Variants in GRAMD1C observed in about 807,000 individuals in gnomAD.
GRAMD1C encodes protein Aster-C.
GRAMD1C carries 89 observed loss-of-function variants against 97.8 expected under a neutral mutation model. The ratio of observed to expected loss-of-function variants is 0.91; its 90% CI spans 0.77 to 1.09. The LOEUF is 1.09. Among genes scored for constraint, GRAMD1C ranks in the 50% least tolerant of loss-of-function variants. GRAMD1C has a pLI of 0.00. For missense variants in GRAMD1C, 740 were observed against 766.4 expected (o/e 0.97, Z 0.41); for synonymous variants, 256 against 267.0 (o/e 0.96, Z 0.40).
chr3:113,888,860 G>A (rs1435160219), intron 6 of GRAMD1C, among the ~76,000 whole-genome samples: 1 of 152,136 alleles, frequency 6.6e-6, no homozygotes, highest in Non-Finnish European at 1.5e-5. Context: ...ATTCATAATA[G>A]CCAAAAAGTA....
At chr3:113,891,420 T>A (rs1007276552) in intron 6 of GRAMD1C, among the ~76,000 whole-genome samples, 2 of 152,132 alleles carry the variant, frequency 1.3e-5, no homozygotes, top group Non-Finnish European at 2.9e-5. Flanking sequence ...TAAGCCTCAT[T>A]TCCCTTTTAG....
At chr3:113,921,181 A>C (rs923261072) in intron 10 of GRAMD1C, among the ~76,000 whole-genome samples, 1 of 152,178 alleles carries the variant, frequency 6.6e-6, no homozygotes, top group Non-Finnish European at 1.5e-5. Context: ...CTGTTCCTGC[A>C]GTAGTTCGCT....
intron 2 of GRAMD1C, among the ~76,000 whole-genome samples, chr3:113,847,235 TTC>T (rs1281498429): frequency 6.6e-6 from 1 of 152,258 alleles, no homozygotes; most frequent in African/African-American, 2.4e-5. Flanking sequence ...ATATCTCTTA[TTC>T]TCTTTCATCA....
intron 4 of GRAMD1C, chr3:113,875,888 G>T (rs1577151804): frequency 4.9e-6 from 2 of 406,510 alleles, no homozygotes; most frequent in Non-Finnish European, 8.7e-6. Context: ...ATTTTTGTTT[G>T]TGTGTTAATG....
intron 2 of GRAMD1C, among the ~76,000 whole-genome samples, chr3:113,856,220 C>T (rs1042919142): frequency 1.3e-5 from 2 of 152,058 alleles, no homozygotes; most frequent in African/African-American, 4.8e-5. Context: ...ATTGTATCAA[C>T]CTCCTCCTCT....
At chr3:113,863,664 G>C (rs566936633) in intron 2 of GRAMD1C, among the ~76,000 whole-genome samples, 18 of 152,120 alleles carry the variant, frequency 1.2e-4, no homozygotes, top group Non-Finnish European at 2.4e-4. Flanking sequence ...TGCCATGTTG[G>C]TATGGAACTC....
At chr3:113,885,253 TG>T (rs2107407330) in intron 6 of GRAMD1C, 1 of 1,192,474 alleles carries the variant, frequency 8.4e-7, no homozygotes, top group Non-Finnish European at 1.2e-6. Context: ...CTGGCGGAGC[TG>T]GGCCGTGGGG....
At chr3:113,928,220 A>G (rs1937295883) in intron 10 of GRAMD1C, among the ~76,000 whole-genome samples, 1 of 152,114 alleles carries the variant, frequency 6.6e-6, no homozygotes, top group Admixed American at 6.5e-5. Flanking sequence ...TTCTTAGATG[A>G]TCAGCTAGTA....
chr3:113,908,148 C>G (rs1310063268), intron 8 of GRAMD1C, among the ~76,000 whole-genome samples: 1 of 152,150 alleles, frequency 6.6e-6, no homozygotes, highest in Non-Finnish European at 1.5e-5. Context: ...AAGTAAAGTG[C>G]TCTCTTCCAT....
intron 1 of GRAMD1C, among the ~76,000 whole-genome samples, chr3:113,830,956 A>G (rs567454904): frequency 3.9e-5 from 6 of 152,196 alleles, no homozygotes; most frequent in Non-Finnish European, 7.4e-5. Flanking sequence ...TTGGCCTGGC[A>G]TGATGGTATG....
chr3:113,861,445 C>A (rs1005764453), intron 2 of GRAMD1C, among the ~76,000 whole-genome samples: 1 of 152,076 alleles, frequency 6.6e-6, no homozygotes, highest in African/African-American at 2.4e-5. Flanking sequence ...TTTGAGGCTG[C>A]ACTGTGCTAT....
intron 2 of GRAMD1C, among the ~76,000 whole-genome samples, chr3:113,852,125 T>G (rs1224124813): frequency 6.6e-6 from 1 of 152,134 alleles, no homozygotes; most frequent in Non-Finnish European, 1.5e-5. Flanking sequence ...GATTTTTTTT[T>G]GCCACAAATC....
intron 2 of GRAMD1C, among the ~76,000 whole-genome samples, chr3:113,858,949 A>T (rs561932512): frequency 9.0e-4 from 137 of 152,178 alleles, no homozygotes; most frequent in Non-Finnish European, 1.7e-3. Flanking sequence ...TATTCCTGAT[A>T]TTGGTAGTTT....
chr3:113,888,262 G>T (rs193275133), intron 6 of GRAMD1C, among the ~76,000 whole-genome samples: 1 of 152,246 alleles, frequency 6.6e-6, no homozygotes, highest in African/African-American at 2.4e-5. Flanking sequence ...GTATGAAAAG[G>T]TATATACTAT....
rs999403698 is a variant in GRAMD1C at position 113,885,437 on chromosome 3, C to G, written c.540+2605C>G. On this transcript the variant is annotated intron_variant, in intron 6 of 17. Transcript: ENST00000358160. Reference sequence around the variant, plus strand: ...CAAACTGTTCGATATGATATCCTCCCCTTATCTCCTGTGTCCCGGAATTGG... The same window carrying G: ...CAAACTGTTCGATATGATATCCTCCGCTTATCTCCTGTGTCCCGGAATTGG... The G allele has an allele frequency of 1.9e-6, 3 of 1,573,764 alleles. No individual in the cohort carries two copies. In the African/African-American group the frequency reaches 4.0e-5, roughly 21 times the overall value.
chr3:113,935,307 C>T (rs1937555722), intron 13 of GRAMD1C, among the ~76,000 whole-genome samples: 1 of 152,048 alleles, frequency 6.6e-6, no homozygotes, highest in Non-Finnish European at 1.5e-5. Context: ...GCTGTCTAAG[C>T]TCTGGGGAGT....
intron 5 of GRAMD1C, among the ~76,000 whole-genome samples, chr3:113,878,295 C>T (rs1284804038): frequency 1.3e-5 from 2 of 152,116 alleles, no homozygotes; most frequent in Admixed American, 1.3e-4. Context: ...TTTGAGTATT[C>T]TCAGTGTGTT....
upstream of GRAMD1C, among the ~76,000 whole-genome samples, chr3:113,834,467 C>A (rs558977662): frequency 2.0e-5 from 3 of 152,132 alleles, no homozygotes; most frequent in Non-Finnish European, 2.9e-5. Context: ...GCATGAGCCA[C>A]CGCACCCAGC....
intron 2 of GRAMD1C, among the ~76,000 whole-genome samples, chr3:113,849,473 G>A (rs1182420041): frequency 1.3e-5 from 2 of 151,588 alleles, no homozygotes; most frequent in African/African-American, 4.8e-5. Context: ...CTGGGTACTT[G>A]AGATTAGGGA....
Sources: allele counts gnomAD v4.1 joint callset (sites outside exome capture counted in the v4.1 genomes callset), GRCh38; gene constraint gnomAD v4.1.1; transcripts MANE v1.5; gene names NCBI Gene and HGNC (gene_info 2026-07-23, HGNC 2026-07-21).